Variants in CFAP58 observed in about 807,000 individuals in gnomAD.
CFAP58 encodes cilia and flagella associated protein 58, also known as cilia- and flagella-associated protein 58.
CFAP58 carries 88 observed loss-of-function variants against 119.5 expected under a neutral mutation model. That is an observed-to-expected ratio of 0.74 (90% CI 0.62 to 0.88). CFAP58 has a LOEUF of 0.88. CFAP58 is among the 40% of genes least tolerant of loss of function. The probability of loss-of-function intolerance (pLI) is 0.00; values close to 1 mark genes in which losing one functional copy is unlikely to be tolerated. For synonymous variants in CFAP58, 365 were observed against 366.3 expected (o/e 1.00, Z 0.04); for missense variants, 990 against 1,021.2 (o/e 0.97, Z 0.42).
the CFAP58 span, among the ~76,000 whole-genome samples, chr10:104,345,025 A>G: frequency 8.2e-4 from 125 of 152,080 alleles, 2 homozygotes; most frequent in African/African-American, 2.9e-3. Context: ...GCACATGCCT[A>G]TAGCCCAGCT....
chr10:104,413,782 T>C (rs1200941336), intron 15 of CFAP58, among the ~76,000 whole-genome samples: 1 of 151,992 alleles, frequency 6.6e-6, no homozygotes, highest in Non-Finnish European at 1.5e-5. Flanking sequence ...GCATAAGGCA[T>C]GATAGCATTG....
intron 8 of CFAP58, among the ~76,000 whole-genome samples, chr10:104,378,793 G>A (rs1398766729): frequency 6.6e-6 from 1 of 152,060 alleles, no homozygotes; most frequent in Non-Finnish European, 1.5e-5. Context: ...TTAAAGAGGT[G>A]AACACTTTTG....
At chr10:104,376,985 C>G (rs767238153) in intron 8 of CFAP58, 92 bp downstream of exon 8, 2 of 937,654 alleles carry the variant, frequency 2.1e-6, no homozygotes, top group Non-Finnish European at 3.3e-6. Context: ...AAGAAAACTC[C>G]GAGGCAAACA....
intron 14 of CFAP58, among the ~76,000 whole-genome samples, chr10:104,404,670 C>T (rs371831407): frequency 1.3e-5 from 2 of 151,784 alleles, no homozygotes; most frequent in African/African-American, 2.4e-5. Context: ...AGTGCAGTGG[C>T]GTGATCTCGG....
At chr10:104,365,408 G>C (rs1001878165) in intron 4 of CFAP58, among the ~76,000 whole-genome samples, 3 of 152,102 alleles carry the variant, frequency 2.0e-5, no homozygotes, top group African/African-American at 7.2e-5. Flanking sequence ...AACCTATAAT[G>C]CTCTCTTTAG....
At chr10:104,339,218 T>C in the CFAP58 span, among the ~76,000 whole-genome samples, 217 of 152,352 alleles carry the variant, frequency 1.4e-3, 1 homozygote, top group African/African-American at 5.0e-3. Flanking sequence ...ATGGTTGCTT[T>C]TCTCCGGGAT....
intron 7 of CFAP58, among the ~76,000 whole-genome samples, chr10:104,373,912 G>T (rs2014855417): frequency 6.6e-6 from 1 of 152,122 alleles, no homozygotes; most frequent in Non-Finnish European, 1.5e-5. Flanking sequence ...AAAGACTCTC[G>T]ATTATCATCT....
At chr10:104,371,688 C>T (rs1297243803) in intron 7 of CFAP58, among the ~76,000 whole-genome samples, 1 of 152,194 alleles carries the variant, frequency 6.6e-6, no homozygotes. Context: ...ACACAGAGCA[C>T]TTGTGGGCAC....
intron 15 of CFAP58, among the ~76,000 whole-genome samples, chr10:104,411,751 G>A (rs1481270102): frequency 6.7e-6 from 1 of 150,184 alleles, no homozygotes; most frequent in Non-Finnish European, 1.5e-5. Context: ...CAAATTCTTA[G>A]GGAAGCAACT....
chr10:104,428,884 C>T (rs910474274), intron 15 of CFAP58, among the ~76,000 whole-genome samples: 9 of 152,118 alleles, frequency 5.9e-5, no homozygotes, highest in Non-Finnish European at 1.2e-4. Flanking sequence ...GGCCATCTGC[C>T]GAGCAAGTAT....
At chr10:104,387,231 C>T (rs2011942643) in intron 9 of CFAP58, among the ~76,000 whole-genome samples, 2 of 152,226 alleles carry the variant, frequency 1.3e-5, no homozygotes, top group Admixed American at 1.3e-4. Flanking sequence ...TTCTTATTCA[C>T]ACACCTGCAG....
At position 104,365,923 on chromosome 10, in the gene CFAP58, A is replaced by C; in HGVS notation, c.707A>C (p.Gln236Pro). The C allele has an allele frequency of 6.2e-7, 1 of 1,613,680 alleles. No individual in the cohort carries two copies. Among genetic ancestry groups the C allele is most frequent in the Non-Finnish European group, 8.5e-7 (1 of 1,179,782 alleles). The change falls in exon 5 of 18, where the codon CAG becomes CCG. Residue 236 changes from glutamine to proline, a missense_variant. Physicochemically the swap from Gln to Pro is moderately conservative, Grantham distance 76. Transcript: ENST00000369704. ...KQIQADMDSR[Q>P]TEIKALQQYV... ...ATTCAGGCAGACATGGACAGCAGGC[A>C]GACAGAAATAAAAGCCCTGCAGCAG...
intron 15 of CFAP58, among the ~76,000 whole-genome samples, chr10:104,433,765 A>G (rs2012887593): frequency 6.6e-6 from 1 of 152,208 alleles, no homozygotes. Flanking sequence ...TCAAATTTTA[A>G]TTTAGCATAC....
At chr10:104,351,827 A>T (rs1038863051), upstream of CFAP58, 7 of 152,224 alleles carry the variant, frequency 4.6e-5, no homozygotes, top group African/African-American at 1.7e-4. Flanking sequence ...AGAGCTAAAG[A>T]GCCACAGTAT....
chr10:104,453,109 C>T (rs1248629927), intron 17 of CFAP58, among the ~76,000 whole-genome samples: 8 of 152,024 alleles, frequency 5.3e-5, no homozygotes, highest in Admixed American at 1.3e-4. Flanking sequence ...AAGCATTAAG[C>T]GTAAGCTCCT....
intron 16 of CFAP58, among the ~76,000 whole-genome samples, chr10:104,448,451 A>G (rs1251069242): frequency 6.6e-6 from 1 of 152,212 alleles, no homozygotes; most frequent in East Asian, 1.9e-4. Context: ...AAAGTTGTGC[A>G]TGTTCACACT....
chr10:104,429,046 C>T (rs552281637), intron 15 of CFAP58, among the ~76,000 whole-genome samples: 10 of 152,276 alleles, frequency 6.6e-5, no homozygotes, highest in Admixed American at 2.0e-4. Flanking sequence ...TTGTTGAATT[C>T]GTAGCAGCTC....
At chr10:104,360,512 C>T (rs1397567583) in intron 2 of CFAP58, among the ~76,000 whole-genome samples, 1 of 151,828 alleles carries the variant, frequency 6.6e-6, no homozygotes, top group African/African-American at 2.4e-5. Flanking sequence ...TGCAGGGGTA[C>T]ATGTGCAGGA....
At chr10:104,360,857 C>G (rs1050827593) in intron 2 of CFAP58, among the ~76,000 whole-genome samples, 2 of 152,134 alleles carry the variant, frequency 1.3e-5, no homozygotes, top group African/African-American at 4.8e-5. Context: ...TTTATATGTA[C>G]TCTTTATCCA....
Sources: gnomAD v4.1 joint callset for allele counts (sites outside exome capture counted in the v4.1 genomes callset) on GRCh38, gnomAD v4.1.1 for gene constraint, MANE v1.5 for transcripts, NCBI Gene and HGNC (gene_info 2026-07-23, HGNC 2026-07-21) for gene names.